ZEB2: variants seen among roughly 807,000 people sequenced by gnomAD.
ZEB2 encodes zinc finger E-box binding homeobox 2.
A neutral mutation model predicts 99.9 loss-of-function variants in ZEB2; 6 were observed. The observed-to-expected ratio is 0.06, with a 90% CI of 0.03 to 0.12. The LOEUF is 0.12. ZEB2 is among the 10% of genes least tolerant of loss of function. The probability of loss-of-function intolerance (pLI) is 1.00; values close to 1 mark genes in which losing one functional copy is unlikely to be tolerated. For missense variants in ZEB2, 969 were observed against 1,502.8 expected, an observed-to-expected ratio of 0.64 and a Z score of 5.87; for synonymous variants, 517 against 542.5, an observed-to-expected ratio of 0.95 and a Z score of 0.65.
intron 2 of ZEB2, among the ~76,000 whole-genome samples, chr2:144,515,634 C>T (rs1426292327): frequency 6.6e-6 from 1 of 151,808 alleles, no homozygotes; most frequent in Non-Finnish European, 1.5e-5. Context: ...AATACTAAGC[C>T]AAGCAAATAG....
chr2:144,395,067 C>T lies in ZEB2; in HGVS notation c.3067+1345G>A, dbSNP rs1703205325. ...CTGAGGTGCAGTGGCACAATCATGGCTCACTGCAGCATCGACCTCTTGGGC... is the reference window on the plus strand; with the variant it reads ...CTGAGGTGCAGTGGCACAATCATGGTTCACTGCAGCATCGACCTCTTGGGC... On this transcript the variant is annotated intron_variant, in intron 9 of 9. Transcript: ENST00000627532. 4.8e-5 allele frequency among the ~76,000 whole-genome samples: 7 copies of T among 144,786 alleles called. 1 individual carries two copies. In the South Asian group the frequency reaches 1.6e-3, roughly 32 times the overall value. 95.0% of individuals were successfully genotyped at this position (144,786 alleles called of 152,430 possible).
intron 2 of ZEB2, among the ~76,000 whole-genome samples, chr2:144,466,740 C>T (rs572913218): frequency 4.0e-5 from 6 of 151,416 alleles, no homozygotes; most frequent in South Asian, 4.2e-4. Context: ...TGAAGGTAGG[C>T]GTCAGAAAAT....
chr2:144,512,975 A>G, intron 2 of ZEB2: 1 of 1,287,246 alleles, frequency 7.8e-7, no homozygotes, highest in Non-Finnish European at 1.0e-6. Flanking sequence ...CTACTTGCCA[A>G]AGATTTCCAC....
chr2:144,392,257 G>C (rs1176221062), intron 9 of ZEB2, among the ~76,000 whole-genome samples: 4 of 152,132 alleles, frequency 2.6e-5, no homozygotes, highest in Non-Finnish European at 5.9e-5. Flanking sequence ...CAACTACTTA[G>C]GTAACTTCTG....
Position 144,431,542 on chromosome 2 carries a change from G to A in ZEB2, c.74-1516C>T, listed in dbSNP as rs925156469. Among the ~76,000 whole-genome samples, 7 of 152,014 alleles carry A rather than the reference G, an allele frequency of 4.6e-5. No homozygotes were observed. In the East Asian group the frequency reaches 5.8e-4, roughly 13 times the overall value. ...TGCAAATTAAAATGAAAACGGCAGCGGAGCCGGGCAAACAGAATCTGCTGA... is the reference window on the plus strand; with the variant it reads ...TGCAAATTAAAATGAAAACGGCAGCAGAGCCGGGCAAACAGAATCTGCTGA... On this transcript the variant is annotated intron_variant, in intron 2 of 9. Coordinates refer to ENST00000627532, the MANE Select transcript of ZEB2 (RefSeq NM_014795.4).
At chr2:144,498,282 G>C (rs575401669) in intron 2 of ZEB2, among the ~76,000 whole-genome samples, 1 of 148,594 alleles carries the variant, frequency 6.7e-6, no homozygotes, top group Admixed American at 6.9e-5. Context: ...GAAGGTCCTC[G>C]CGCTCTATTG....
intron 2 of ZEB2, among the ~76,000 whole-genome samples, chr2:144,493,173 C>T (rs1704706852): frequency 6.6e-6 from 1 of 151,508 alleles, no homozygotes; most frequent in African/African-American, 2.4e-5. Flanking sequence ...AAAAAAGGAA[C>T]GAATATCTCA....
At chr2:144,398,262 C>T (rs373157712) in intron 8 of ZEB2, 39 bp downstream of exon 8, 5 of 1,610,488 alleles carry the variant, frequency 3.1e-6, no homozygotes, top group Admixed American at 1.7e-5. Flanking sequence ...ATAATTGCCA[C>T]CTCTTTTCTT....
At chr2:144,392,338 G>C (rs1703163890) in intron 9 of ZEB2, among the ~76,000 whole-genome samples, 1 of 152,084 alleles carries the variant, frequency 6.6e-6, no homozygotes, top group African/African-American at 2.4e-5. Flanking sequence ...ACAAAACACA[G>C]AGCAGTGTCC....
At chr2:144,469,322 C>T (rs1191611516) in intron 2 of ZEB2, among the ~76,000 whole-genome samples, 1 of 152,144 alleles carries the variant, frequency 6.6e-6, no homozygotes, top group African/African-American at 2.4e-5. Flanking sequence ...TGGTAGCTTT[C>T]TCCTGGTCAC....
chr2:144,509,897 T>C (rs1246019985), intron 2 of ZEB2, among the ~76,000 whole-genome samples: 1 of 152,076 alleles, frequency 6.6e-6, no homozygotes, highest in Non-Finnish European at 1.5e-5. Context: ...TTTAAACAGT[T>C]CCCAGGAAGG....
chr2:144,479,682 T>TG (rs140945730), intron 2 of ZEB2, among the ~76,000 whole-genome samples: 4,108 of 29,656 alleles, frequency 0.14, 629 homozygotes, highest in African/African-American at 0.21. Flanking sequence ...CTACTTTTTT[T>TG]TGGGGGGGGG....
intron 2 of ZEB2, among the ~76,000 whole-genome samples, chr2:144,488,670 AGTGTGTGT>A (rs57221448): frequency 7.6e-4 from 113 of 148,128 alleles, no homozygotes; most frequent in South Asian, 6.9e-3. Context: ...CTCGTGTGTG[AGTGTGTGT>A]GTGTGTGTGT....
chr2:144,431,913 C>T (rs528877760), intron 2 of ZEB2, among the ~76,000 whole-genome samples: 1 of 150,066 alleles, frequency 6.7e-6, no homozygotes, highest in Middle Eastern at 3.4e-3. Flanking sequence ...AAACTGATCT[C>T]TGGGCACAGG....
At chr2:144,470,035 A>G (rs908736835) in intron 2 of ZEB2, among the ~76,000 whole-genome samples, 3 of 152,196 alleles carry the variant, frequency 2.0e-5, no homozygotes, top group Non-Finnish European at 2.9e-5. Flanking sequence ...AGTGCCTGAA[A>G]CAGCTTATTT....
chr2:144,518,769 A>T (rs1257167450), intron 1 of ZEB2: 2 of 152,224 alleles, frequency 1.3e-5, no homozygotes, highest in Admixed American at 6.5e-5. Context: ...CCTGAAATAA[A>T]GAAATGGTCA....
chr2:144,421,656 CTTT>C (rs34583976), intron 4 of ZEB2, among the ~76,000 whole-genome samples: 1 of 137,320 alleles, frequency 7.3e-6, no homozygotes. Context: ...GTGTCATAAT[CTTT>C]TTTTTTTTTT....
At chr2:144,401,430 A>G in intron 6 of ZEB2, 123 bp from the exon 7 acceptor site, 1 of 848,122 alleles carries the variant, frequency 1.2e-6, no homozygotes, top group Non-Finnish European at 2.0e-6. Context: ...ATGCTTATTT[A>G]TCTGCTCAGT....
chr2:144,385,101 A>T lies in ZEB2; in HGVS notation c.*4350T>A, dbSNP rs1703063801. On this transcript the variant is annotated 3_prime_UTR_variant, in exon 10 of 10. Transcript: ENST00000627532. Reference sequence around the variant, plus strand: ...TTCAAATGTAGGAATGTTTTGTTGCATGTATAAAATTTTTCAGAATTTATA... The same window carrying T: ...TTCAAATGTAGGAATGTTTTGTTGCTTGTATAAAATTTTTCAGAATTTATA... 1 of 152,166 alleles carries T rather than the reference A, an allele frequency of 6.6e-6. No homozygotes were observed. The allele number at this position is 152,166 out of a possible 1,614,324, so 9.4% of individuals were successfully genotyped here. A position where few individuals can be genotyped will look rare whatever the true frequency, so the allele number is the denominator to read the frequency against.
Sources: allele counts gnomAD v4.1 joint callset (sites outside exome capture counted in the v4.1 genomes callset), GRCh38; gene constraint gnomAD v4.1.1; transcripts MANE v1.5; gene names NCBI Gene and HGNC (gene_info 2026-07-23, HGNC 2026-07-21).